Variants in ATXN7 observed in about 807,000 individuals in gnomAD.
ATXN7 encodes the protein ataxin 7.
A neutral mutation model predicts 70.5 loss-of-function variants in ATXN7; 12 were observed. That is an observed-to-expected ratio of 0.17 (90% CI 0.11 to 0.28). The LOEUF is 0.28. ATXN7 is among the 10% of genes least tolerant of loss of function. The probability of loss-of-function intolerance (pLI) is 1.00; values close to 1 mark genes in which losing one functional copy is unlikely to be tolerated. For missense variants in ATXN7, 1,256 were observed against 1,131.7 expected (o/e 1.11, Z -1.58); for synonymous variants, 498 against 448.7 (o/e 1.11, Z -1.39).
intron 4 of ATXN7, among the ~76,000 whole-genome samples, chr3:63,940,796 C>T (rs1363592357): frequency 6.6e-6 from 1 of 152,126 alleles, no homozygotes; most frequent in Non-Finnish European, 1.5e-5. Flanking sequence ...ACTCTTAGAG[C>T]CCGTATCCTA....
chr3:63,905,491 G>A (rs1478178810), intron 2 of ATXN7: 1 of 152,248 alleles, frequency 6.6e-6, no homozygotes, highest in East Asian at 1.9e-4. Context: ...TTACAAGTGT[G>A]AGCCACCGCA....
chr3:63,889,213 G>T (rs1703183495), intron 1 of ATXN7, among the ~76,000 whole-genome samples: 1 of 152,052 alleles, frequency 6.6e-6, no homozygotes, highest in Admixed American at 6.6e-5. Context: ...AATTACCCTG[G>T]GAAAAGTCCA....
chr3:63,897,650 C>A (rs1341826744), intron 1 of ATXN7, among the ~76,000 whole-genome samples: 3 of 152,162 alleles, frequency 2.0e-5, no homozygotes, highest in Non-Finnish European at 2.9e-5. Flanking sequence ...TTCATGTGAG[C>A]TCAGCCTGTC....
At position 63,972,981 on chromosome 3, in the gene ATXN7, G is replaced by A. The variant is rs563175909; in HGVS notation, c.500-6934G>A. ...GGGGGCCTCTGTCTTATGTGCTGAT[G>A]TGTTCCCAGTACTTGGTCCACAGTA... On this transcript the variant is annotated intron_variant, in intron 5 of 12. Coordinates refer to ENST00000674280, the MANE Select transcript of ATXN7 (RefSeq NM_001377405.1). 7.2e-5 allele frequency among the ~76,000 whole-genome samples: 11 copies of A among 152,282 alleles called. No homozygotes were observed. The South Asian group carries it at 1.7e-3, about 23-fold the overall frequency.
intron 4 of ATXN7, among the ~76,000 whole-genome samples, chr3:63,932,884 A>G (rs2074581328): frequency 6.6e-6 from 1 of 152,210 alleles, no homozygotes. Flanking sequence ...CATCACAGAT[A>G]GATCTGTCTA....
chr3:63,898,692 G>A (rs976215894), intron 2 of ATXN7, among the ~76,000 whole-genome samples, 195 bp downstream of exon 2: 5 of 152,132 alleles, frequency 3.3e-5, no homozygotes, highest in Non-Finnish European at 7.4e-5. Flanking sequence ...ATATTATTAG[G>A]TATTTGTTTC....
upstream of ATXN7, chr3:63,863,522 C>G (rs1702289717): frequency 1.7e-6 from 2 of 1,191,928 alleles, no homozygotes; most frequent in Non-Finnish European, 1.0e-6. Flanking sequence ...CCCGCGCTGC[C>G]TCCGGGAGAG....
intron 4 of ATXN7, among the ~76,000 whole-genome samples, chr3:63,930,680 G>A (rs1251252300): frequency 6.6e-6 from 1 of 151,814 alleles, no homozygotes; most frequent in Admixed American, 6.6e-5. Context: ...AGGCGCCCAC[G>A]ACCACGCCCG....
At chr3:63,917,181 A>G in intron 4 of ATXN7, among the ~76,000 whole-genome samples, 1 of 152,088 alleles carries the variant, frequency 6.6e-6, no homozygotes, top group East Asian at 1.9e-4. Context: ...CGGCCTCCCA[A>G]AGTGTTGGGA....
intron 4 of ATXN7, among the ~76,000 whole-genome samples, chr3:63,945,943 A>C (rs1319223579): frequency 6.6e-6 from 1 of 152,222 alleles, no homozygotes; most frequent in African/African-American, 2.4e-5. Context: ...GAACAAAACC[A>C]AGGCCAGAGT....
intron 2 of ATXN7, chr3:63,900,785 G>C (rs1378698263): frequency 2.0e-5 from 3 of 152,194 alleles, no homozygotes; most frequent in Admixed American, 6.5e-5. Context: ...ATGCTTTTTT[G>C]AATATTATAC....
intron 1 of ATXN7, among the ~76,000 whole-genome samples, chr3:63,890,375 G>T (rs1703221165): frequency 1.3e-5 from 2 of 152,164 alleles, no homozygotes; most frequent in Non-Finnish European, 2.9e-5. Flanking sequence ...CCTCTTAGCT[G>T]TTTATCCAAA....
chr3:63,987,223 GAC>G (rs1277398213), intron 8 of ATXN7, among the ~76,000 whole-genome samples: 1 of 152,214 alleles, frequency 6.6e-6, no homozygotes, highest in Admixed American at 6.5e-5. Context: ...TTGGACTACA[GAC>G]ACATTTTCTT....
chr3:63,907,471 T>G (rs1216864386), intron 2 of ATXN7, among the ~76,000 whole-genome samples: 2 of 150,358 alleles, frequency 1.3e-5, no homozygotes, highest in Non-Finnish European at 3.0e-5. Context: ...TTTTTTTTTT[T>G]TTTTTTGTAA....
rs1283950700 is a variant in ATXN7, at chr3:64,000,634, G to C, written c.*1167G>C. The C allele has an allele frequency of 6.6e-6, 1 of 152,204 alleles. No homozygotes were observed. The highest frequency in any genetic ancestry group is 2.4e-5 in the African/African-American group (1 of 41,418). 9.4% of individuals were successfully genotyped at this position (152,204 alleles called of 1,614,324 possible). Reference sequence around the variant, plus strand: ...TGTTTATTTGGATGTGGTTGGGGACGAGAGCAGACACCAAGGAAAGGGAGT... The same window carrying C: ...TGTTTATTTGGATGTGGTTGGGGACCAGAGCAGACACCAAGGAAAGGGAGT... On this transcript the variant is annotated 3_prime_UTR_variant, in exon 13 of 13. Coordinates refer to ENST00000674280, the MANE Select transcript of ATXN7 (RefSeq NM_001377405.1).
intron 4 of ATXN7, among the ~76,000 whole-genome samples, chr3:63,950,081 T>C (rs1021142831): frequency 3.9e-5 from 6 of 152,206 alleles, no homozygotes; most frequent in African/African-American, 7.2e-5. Flanking sequence ...TAGAAATTTT[T>C]ACAGAAGTAT....
Position 63,976,850 on chromosome 3 carries a change from CAT to C in ATXN7, c.500-3063_500-3062del, listed in dbSNP as rs568223932. ...CTCATCAGTGACACACACAGAAAAA[CAT>C]AGGAACCTAATGAAAAGGGTAGCAC... On this transcript the variant is annotated intron_variant, in intron 5 of 12. Transcript: ENST00000674280. Among the ~76,000 whole-genome samples, 36 of 152,278 alleles carry C rather than the reference CAT, an allele frequency of 2.4e-4. 1 individual carries two copies. The East Asian group carries it at 6.8e-3, about 29-fold the overall frequency.
chr3:63,951,059 G>A (rs541809137), intron 4 of ATXN7, among the ~76,000 whole-genome samples: 2 of 152,018 alleles, frequency 1.3e-5, no homozygotes, highest in African/African-American at 2.4e-5. Flanking sequence ...TTAGAGGGGG[G>A]ATATAATGAT....
Position 63,990,214 on chromosome 3 carries a change from C to T in ATXN7, c.1400C>T (p.Pro467Leu). 6.2e-7 allele frequency: 1 copy of T among 1,613,680 alleles called. No individual in the cohort carries two copies. The highest frequency in any genetic ancestry group is 8.5e-7 in the Non-Finnish European group (1 of 1,180,010). Residue 467 changes from proline (P) to leucine (L), a missense_variant, in exon 10 of 13, where the codon CCC becomes CTC. By Grantham distance (98) the Pro-to-Leu change is moderately conservative. Coordinates refer to ENST00000674280, the MANE Select transcript of ATXN7 (RefSeq NM_001377405.1). Reference protein sequence around the residue: ...GCPAQQGGSAPIDPPPVHESP... With the variant: ...GCPAQQGGSALIDPPPVHESP... ...CCTGCTCAGCAAGGTGGGAGTGCCC[C>T]CATTGACCCTCCTCCAGTCCATGAA... is the stretch of plus-strand genomic sequence containing the variant.
Sources: gnomAD v4.1 joint callset for allele counts (sites outside exome capture counted in the v4.1 genomes callset) on GRCh38, gnomAD v4.1.1 for gene constraint, MANE v1.5 for transcripts, NCBI Gene and HGNC (gene_info 2026-07-23, HGNC 2026-07-21) for gene names.